Variants in EPB41L4B observed in about 807,000 individuals in gnomAD.
The protein encoded by EPB41L4B is erythrocyte membrane protein band 4.1 like 4B.
EPB41L4B carries 30 observed loss-of-function variants against 112.5 expected under a neutral mutation model. The ratio of observed to expected loss-of-function variants is 0.27; its 90% CI spans 0.20 to 0.36. EPB41L4B has a LOEUF of 0.36. Ranked by LOEUF, EPB41L4B falls within the 10% of genes least tolerant of loss-of-function variation. The pLI, the probability that EPB41L4B is intolerant of heterozygous loss-of-function variation, is 1.00. For missense variants in EPB41L4B, 1,024 were observed against 1,133.3 expected, an observed-to-expected ratio of 0.90 and a Z score of 1.38; for synonymous variants, 408 against 439.7, an observed-to-expected ratio of 0.93 and a Z score of 0.90.
At chr9:109,242,052 G>C (rs909800796) in intron 15 of EPB41L4B, among the ~76,000 whole-genome samples, 1 of 152,148 alleles carries the variant, frequency 6.6e-6, no homozygotes, top group African/African-American at 2.4e-5. Flanking sequence ...TTTCTCAAAG[G>C]GTGTCTCATG....
At chr9:109,215,615 G>A (rs2118828986) in intron 16 of EPB41L4B, among the ~76,000 whole-genome samples, 1 of 152,236 alleles carries the variant, frequency 6.6e-6, no homozygotes, top group East Asian at 1.9e-4. Flanking sequence ...AACCTCCTGA[G>A]TAGCTGAGAT....
intron 15 of EPB41L4B, among the ~76,000 whole-genome samples, chr9:109,242,286 G>T (rs1157448834): frequency 1.3e-5 from 2 of 152,162 alleles, no homozygotes; most frequent in Non-Finnish European, 2.9e-5. Flanking sequence ...CTGGGGTGGG[G>T]CTGAGAATTT....
intron 2 of EPB41L4B, among the ~76,000 whole-genome samples, chr9:109,276,154 TACACACACACACACACACACACACACAC>T (rs66791042): frequency 7.1e-6 from 1 of 141,732 alleles, no homozygotes; most frequent in East Asian, 2.1e-4. Flanking sequence ...CGTGTGTGTA[TACACACACACACACACACACACACACAC>T]ACACACACAC....
At chr9:109,310,697 C>T (rs915945538) in intron 1 of EPB41L4B, among the ~76,000 whole-genome samples, 1 of 152,148 alleles carries the variant, frequency 6.6e-6, no homozygotes, top group Non-Finnish European at 1.5e-5. Flanking sequence ...AATAACACCA[C>T]GAGGTGAGGG....
At chr9:109,316,909 C>G (rs1227416305) in intron 1 of EPB41L4B, among the ~76,000 whole-genome samples, 2 of 152,120 alleles carry the variant, frequency 1.3e-5, no homozygotes, top group Admixed American at 6.5e-5. Flanking sequence ...TGAGACCAGC[C>G]AGGGCAATAC....
At chr9:109,186,068 C>T (rs1051737519) in intron 22 of EPB41L4B, among the ~76,000 whole-genome samples, 2 of 152,150 alleles carry the variant, frequency 1.3e-5, no homozygotes, top group African/African-American at 4.8e-5. Flanking sequence ...GAAGCATTTG[C>T]CTTCCATGCT....
In EPB41L4B at chr9:109,216,903, C is replaced by A. The variant is rs1321874173; in HGVS notation, c.1633+19G>T. On this transcript the variant is annotated intron_variant, in intron 16 of 25. Transcript: ENST00000374566. Reference sequence around the variant, plus strand: ...ATTGCTCCCCCTTCTCCTGCCTTGCCCCCTCCACCCCTACTCACTTGTAAG... The same window carrying A: ...ATTGCTCCCCCTTCTCCTGCCTTGCACCCTCCACCCCTACTCACTTGTAAG... 2 of 1,612,444 alleles carry A rather than the reference C, an allele frequency of 1.2e-6. No homozygotes were observed. The highest frequency in any genetic ancestry group is 1.7e-5 in the Admixed American group (1 of 60,016).
intron 2 of EPB41L4B, among the ~76,000 whole-genome samples, 167 bp downstream of exon 2, chr9:109,279,650 T>C (rs1431594228): frequency 6.6e-6 from 1 of 152,236 alleles, no homozygotes; most frequent in Non-Finnish European, 1.5e-5. Context: ...CCTACAAGCA[T>C]TGTGACGCAT....
chr9:109,208,966 C>T (rs192012228), intron 17 of EPB41L4B, among the ~76,000 whole-genome samples: 5 of 152,184 alleles, frequency 3.3e-5, no homozygotes, highest in South Asian at 2.1e-4. Context: ...TTAGAAGAGA[C>T]GTGTTTAATA....
intron 13 of EPB41L4B, among the ~76,000 whole-genome samples, chr9:109,250,745 C>G (rs1300646188): frequency 6.6e-6 from 1 of 152,196 alleles, no homozygotes; most frequent in Admixed American, 6.5e-5. Flanking sequence ...CCAGATCATT[C>G]TACTATACAG....
chr9:109,200,920 G>T (rs1832802696), intron 19 of EPB41L4B, among the ~76,000 whole-genome samples: 1 of 152,010 alleles, frequency 6.6e-6, no homozygotes, highest in South Asian at 2.1e-4. Context: ...CTTTACTCAA[G>T]AATTTATTTC....
chr9:109,279,940 G>T lies in EPB41L4B; in HGVS notation c.307-19C>A, dbSNP rs1481846120. The T allele has an allele frequency of 6.3e-7, 1 of 1,599,502 alleles. No homozygotes were observed. The highest frequency in any genetic ancestry group is 8.5e-7 in the Non-Finnish European group (1 of 1,172,792). On this transcript the variant is annotated intron_variant, in intron 1 of 25. Transcript: ENST00000374566. ...CATGTTTCTGGAAGACAATTGGGAA[G>T]ATGAAAAAACTTAGGGTGAGACAGC... is the stretch of plus-strand genomic sequence containing the variant.
chr9:109,214,652 G>A (rs951538612), intron 16 of EPB41L4B, among the ~76,000 whole-genome samples: 1 of 152,226 alleles, frequency 6.6e-6, no homozygotes, highest in Admixed American at 6.5e-5. Context: ...AACAGCAGGT[G>A]CAAAGGACAG....
chr9:109,240,103 G>C, intron 15 of EPB41L4B: 1 of 985,124 alleles, frequency 1.0e-6, no homozygotes, highest in Non-Finnish European at 1.2e-6. Flanking sequence ...TCACAAATGA[G>C]ACTTCTGCAT....
chr9:109,247,735 C>T (rs1227425279), intron 14 of EPB41L4B, 21 bp downstream of exon 14: 5 of 1,390,062 alleles, frequency 3.6e-6, no homozygotes, highest in South Asian at 1.8e-5. Flanking sequence ...TTAAAGAAAA[C>T]CTTTAAAAGC....
At chr9:109,318,741 G>A (rs1481376385) in intron 1 of EPB41L4B, among the ~76,000 whole-genome samples, 1 of 152,130 alleles carries the variant, frequency 6.6e-6, no homozygotes, top group African/African-American at 2.4e-5. Context: ...AAAGGCAACA[G>A]CTCTAAGCAC....
At chr9:109,280,805 GAA>G (rs112970575) in intron 1 of EPB41L4B, among the ~76,000 whole-genome samples, 1 of 138,040 alleles carries the variant, frequency 7.2e-6, no homozygotes, top group East Asian at 2.1e-4. Flanking sequence ...TAATCACAAA[GAA>G]AAAAAAAAAC....
At chr9:109,214,389 T>G (rs1177971188) in intron 16 of EPB41L4B, among the ~76,000 whole-genome samples, 3 of 152,222 alleles carry the variant, frequency 2.0e-5, no homozygotes, top group Non-Finnish European at 4.4e-5. Flanking sequence ...GTGCCAAGTA[T>G]CGTTAGCAAC....
chr9:109,263,306 ATAACCCAATG>A (rs971368947), intron 5 of EPB41L4B, among the ~76,000 whole-genome samples: 2 of 152,360 alleles, frequency 1.3e-5, no homozygotes, highest in African/African-American at 4.8e-5. Flanking sequence ...ATAGGGCAAA[ATAACCCAATG>A]TAGGTATAGT....
Sources: allele counts gnomAD v4.1 joint callset (sites outside exome capture counted in the v4.1 genomes callset), GRCh38; gene constraint gnomAD v4.1.1; transcripts MANE v1.5; gene names NCBI Gene and HGNC (gene_info 2026-07-23, HGNC 2026-07-21).